Variants in ADGRG3 observed in about 807,000 individuals in gnomAD.
ADGRG3 encodes the protein adhesion G protein-coupled receptor G3.
A neutral mutation model predicts 54.3 loss-of-function variants in ADGRG3; 39 were observed. The observed-to-expected ratio is 0.72, with a 90% confidence interval of 0.56 to 0.94. The LOEUF (loss-of-function observed/expected upper bound fraction) is 0.94, where lower values mean the gene tolerates loss of function less well. ADGRG3 is among the 40% of genes least tolerant of loss of function. The pLI, the probability that ADGRG3 is intolerant of heterozygous loss-of-function variation, is 0.00. For synonymous variants in ADGRG3, 312 were observed against 290.0 expected (o/e 1.08, Z -0.77); for missense variants, 654 against 694.6 (o/e 0.94, Z 0.66).
Position 57,673,825 on chromosome 16 carries a change from G to A in ADGRG3, c.206+357G>A, listed in dbSNP as rs1056221030. ...CAAGGCTTCACAGAGGAGGAAACCT[G>A]GAAAGGGCTTTGAGGGTGCACAGGA... On this transcript the variant is annotated intron_variant, in intron 2 of 11. Transcript: ENST00000333493. Among the ~76,000 whole-genome samples, 3 of 152,298 alleles carry A rather than the reference G, an allele frequency of 2.0e-5. No individual in the cohort carries two copies. The East Asian group carries it at 5.8e-4, about 29-fold the overall frequency.
intron 4 of ADGRG3, chr16:57,678,645 G>A (rs1379265012): frequency 7.6e-6 from 3 of 393,092 alleles, no homozygotes; most frequent in East Asian, 5.0e-5. Context: ...TCTTGTGCAC[G>A]CACAAGCCCA....
rs147947347 is a variant in ADGRG3, at chr16:57,679,184, G to C, written c.500G>C (p.Arg167Pro). ...CGATCTCCCCTTTCACAGGGCCCCC[G>C]GCTCGGCCTGGGAGATGGCAGCGGC... ...IGPGTLFKGP[R>P]LGLGDGSGVL... is the part of the protein sequence containing the mutation. Residue 167 changes from arginine (R) to proline (P), a missense_variant, in exon 5 of 12, where the codon CGG (arginine) becomes CCG (proline). By Grantham distance (103) the Arg-to-Pro change is moderately radical. Transcript: ENST00000333493. 4 of 1,613,664 alleles carry C rather than the reference G, an allele frequency of 2.5e-6. No homozygotes were observed. The highest frequency in any genetic ancestry group is 1.3e-5 in the African/African-American group (1 of 74,922).
At position 57,684,411 on chromosome 16, in the gene ADGRG3, T is replaced by G. The variant is rs780325848; in HGVS notation, c.1184T>G (p.Ile395Ser). ...VGWGLPALMV[I>S]GTGSANSYGL... ...CCAGGCCTGCCCGCCCTGATGGTCA[T>G]CGGCACTGGGAGTGCCAACAGCTAC... The change falls in exon 10 of 12, where the codon ATC becomes AGC. Residue 395 changes from isoleucine (I) to serine (S), a missense_variant. Ile to Ser is a moderately radical substitution (Grantham distance 142). Transcript: ENST00000333493. 3 of 1,613,882 alleles carry G rather than the reference T, an allele frequency of 1.9e-6. No homozygotes were observed. The Admixed American group carries it at 5.0e-5, about 27-fold the overall frequency.
Position 57,676,260 on chromosome 16 carries a change from G to A in ADGRG3, c.267G>A (p.Thr89=), listed in dbSNP as rs1364982333. The part of the protein sequence containing the change: ...MKEGLTQKVN[T]PFLKALVQNL... ...AAGGTTTGACGCAGAAGGTGAACAC[G>A]CCTTTCCTGAAGGCTTTGGTCCAGA... Residue 89 remains threonine, a synonymous_variant, in exon 3 of 12, where the codon ACG becomes ACA. Coordinates refer to ENST00000333493, the MANE Select transcript of ADGRG3 (RefSeq NM_170776.5). The A allele has an allele frequency of 5.0e-6, 8 of 1,613,886 alleles. No homozygotes were observed. Among genetic ancestry groups the A allele is most frequent in the Middle Eastern group, 1.6e-4 (1 of 6,084 alleles).
chr16:57,669,140 G>C (rs896950528), intron 1 of ADGRG3, among the ~76,000 whole-genome samples: 1 of 152,122 alleles, frequency 6.6e-6, no homozygotes. Flanking sequence ...GTGCTCCCCC[G>C]TTAGTGCTCC....
intron 4 of ADGRG3, chr16:57,678,786 G>A: frequency 3.1e-6 from 1 of 327,354 alleles, no homozygotes; most frequent in East Asian, 6.9e-5. Context: ...GGGCTAGTGT[G>A]CTCCCCCCAC....
Position 57,668,346 on chromosome 16 carries a change from G to A in ADGRG3, c.-2G>A. The A allele has an allele frequency of 6.4e-7, 1 of 1,569,740 alleles. No individual in the cohort carries two copies. Among genetic ancestry groups the A allele is most frequent in the Non-Finnish European group, 8.6e-7 (1 of 1,163,470 alleles). On this transcript the variant is annotated 5_prime_UTR_variant, in exon 1 of 12. Transcript: ENST00000333493. The stretch of plus-strand genomic sequence containing the variant: ...TCCTGGCGTGGGCAAGGCTGGCCAA[G>A]GATGGCGACGCCCAGGGGCCTGGGG...
In ADGRG3 at chr16:57,668,306, A is replaced by T; in HGVS notation, c.-42A>T. On this transcript the variant is annotated 5_prime_UTR_variant, in exon 1 of 12. Coordinates refer to ENST00000333493, the MANE Select transcript of ADGRG3 (RefSeq NM_170776.5). The stretch of plus-strand genomic sequence containing the variant: ...CAGCAGAGCCTGGGGCCAGAGGGCC[A>T]GACAGCCACAGAGCTCCTGGCGTGG... 6.5e-7 allele frequency: 1 copy of T among 1,529,750 alleles called. No homozygotes were observed. The highest frequency in any genetic ancestry group is 8.8e-7 in the Non-Finnish European group (1 of 1,134,626). 94.8% of individuals were successfully genotyped at this position (1,529,750 alleles called of 1,614,324 possible).
chr16:57,678,432 G>A lies in ADGRG3; in HGVS notation c.492+116G>A. On this transcript the variant is annotated intron_variant, in intron 4 of 11. Coordinates refer to ENST00000333493, the MANE Select transcript of ADGRG3 (RefSeq NM_170776.5). ...CCAATGGGGACAGAGCAGGCAGTGAGCCTCTTAGTGTTTCTAATGCAGCCC... is the reference window on the plus strand; with the variant it reads ...CCAATGGGGACAGAGCAGGCAGTGAACCTCTTAGTGTTTCTAATGCAGCCC... 5 of 1,004,148 alleles carry A rather than the reference G, an allele frequency of 5.0e-6. No homozygotes were observed. The South Asian group carries it at 7.1e-5, about 14-fold the overall frequency. The allele number at this position is 1,004,148 out of a possible 1,614,324, so 62.2% of individuals were successfully genotyped here.
chr16:57,678,986 C>A (rs2148705135), intron 4 of ADGRG3, 191 bp from the exon 5 acceptor site: 2 of 636,264 alleles, frequency 3.1e-6, no homozygotes, highest in East Asian at 5.5e-5. Flanking sequence ...CCTGGCCCAG[C>A]CCAAGCAGGA....
chr16:57,677,366 T>C (rs1167119756), intron 3 of ADGRG3, among the ~76,000 whole-genome samples: 1 of 152,220 alleles, frequency 6.6e-6, no homozygotes, highest in African/African-American at 2.4e-5. Flanking sequence ...ACGGATCATC[T>C]GAGGTCAGGA....
chr16:57,668,336 G>C lies in ADGRG3; in HGVS notation c.-12G>C. The C allele has an allele frequency of 1.3e-6, 2 of 1,564,148 alleles. No individual in the cohort carries two copies. The highest frequency in any genetic ancestry group is 1.7e-6 in the Non-Finnish European group (2 of 1,159,924). On this transcript the variant is annotated 5_prime_UTR_variant, in exon 1 of 12. Coordinates refer to ENST00000333493, the MANE Select transcript of ADGRG3 (RefSeq NM_170776.5). ...GCCACAGAGCTCCTGGCGTGGGCAAGGCTGGCCAAGGATGGCGACGCCCAG... is the reference window on the plus strand; with the variant it reads ...GCCACAGAGCTCCTGGCGTGGGCAACGCTGGCCAAGGATGGCGACGCCCAG...
At chr16:57,683,840 C>A in intron 8 of ADGRG3, 92 bp from the exon 9 acceptor site, 1 of 1,017,838 alleles carries the variant, frequency 9.8e-7, no homozygotes. Flanking sequence ...GGGTGGAGAG[C>A]CATAGGCTAT....
chr16:57,684,318 A>T, intron 9 of ADGRG3, 72 bp from the exon 10 acceptor site: 2 of 1,562,698 alleles, frequency 1.3e-6, no homozygotes, highest in Non-Finnish European at 1.8e-6. Context: ...AGGGATGGCC[A>T]TCTGGAGGGG....
intron 8 of ADGRG3, 63 bp from the exon 9 acceptor site, chr16:57,683,869 G>A: frequency 7.1e-7 from 1 of 1,402,618 alleles, no homozygotes; most frequent in Non-Finnish European, 9.7e-7. Flanking sequence ...ACAGGCTTGG[G>A]TGCCTCATGG....
At chr16:57,681,702 G>C (rs910839604) in intron 8 of ADGRG3, among the ~76,000 whole-genome samples, 3 of 123,750 alleles carry the variant, frequency 2.4e-5, no homozygotes, top group Non-Finnish European at 3.2e-5. Flanking sequence ...CTCCAGCCTG[G>C]ACAACAAGTG....
Position 57,683,992 on chromosome 16 carries a change from C to T in ADGRG3, c.942C>T (p.Gly314=), listed in dbSNP as rs763517428. 3 of 1,604,102 alleles carry T rather than the reference C, an allele frequency of 1.9e-6. No homozygotes were observed. Among genetic ancestry groups the T allele is most frequent in the Non-Finnish European group, 1.7e-6 (2 of 1,173,148 alleles). The stretch of plus-strand genomic sequence containing the variant: ...CAAAGATCCACGTGGCCCTGGGTGG[C>T]AGCCTGTTCCTCCTGAATCTGGCCT... ...DAPKIHVALG[G]SLFLLNLAFL... Residue 314 remains glycine (G), a synonymous_variant, in exon 9 of 12, where the codon GGC becomes GGT. Coordinates refer to ENST00000333493, the MANE Select transcript of ADGRG3 (RefSeq NM_170776.5).
In ADGRG3 at chr16:57,678,230, A is replaced by T. The variant is rs375500254; in HGVS notation, c.406A>T (p.Ser136Cys). The T allele has an allele frequency of 3.1e-6, 5 of 1,614,148 alleles. No homozygotes were observed. Among genetic ancestry groups the T allele is most frequent in the Non-Finnish European group, 4.2e-6 (5 of 1,180,010 alleles). Residue 136 changes from serine (S) to cysteine (C), a missense_variant, in exon 4 of 12, where the codon AGC becomes TGC. By Grantham distance (112) the Ser-to-Cys change is moderately radical. Coordinates refer to ENST00000333493, the MANE Select transcript of ADGRG3 (RefSeq NM_170776.5). The part of the protein sequence containing the change: ...KPPDRVRLPK[S>C]LFRSLPGNRS... ...CCCTGACAGAGTGCGACTTCCCAAG[A>T]GCCTTTTTCGATCCCTGCCAGGCAA...
rs755657568 is a variant in ADGRG3, at chr16:57,680,362, C to T, written c.765C>T (p.Leu255=). 1.2e-6 allele frequency: 2 copies of T among 1,612,008 alleles called. No individual in the cohort carries two copies. The change falls in exon 7 of 12, where the codon CTC becomes CTT. Residue 255 remains leucine (L), a synonymous_variant. Transcript: ENST00000333493. The stretch of plus-strand genomic sequence containing the variant: ...ACCACCTGACCTTTTTCGCCCTGCT[C>T]CTGGTAACAGCCCCCTCCACTCTGA... ...CCDHLTFFAL[L]LRPTLDQSTV... is the part of the protein sequence containing the mutation.
Sources: gnomAD v4.1 joint callset for allele counts (sites outside exome capture counted in the v4.1 genomes callset) on GRCh38, gnomAD v4.1.1 for gene constraint, MANE v1.5 for transcripts, NCBI Gene and HGNC (gene_info 2026-07-23, HGNC 2026-07-21) for gene names.